SLAMF7: variants seen among roughly 807,000 people sequenced by gnomAD.
SLAMF7 encodes SLAM family member 7.
SLAMF7 carries 26 observed loss-of-function variants against 34.1 expected under a neutral mutation model. The ratio of observed to expected loss-of-function variants is 0.76; its 90% CI spans 0.56 to 1.06. SLAMF7 has a LOEUF of 1.06. Among genes scored for constraint, SLAMF7 ranks in the 50% least tolerant of loss-of-function variants. SLAMF7 has a pLI of 0.00. For synonymous variants in SLAMF7, 171 were observed against 156.4 expected (o/e 1.09, Z -0.70); for missense variants, 399 against 402.5 (o/e 0.99, Z 0.07).
chr1:160,744,390 G>A (rs566785694), intron 1 of SLAMF7, among the ~76,000 whole-genome samples: 7 of 152,182 alleles, frequency 4.6e-5, no homozygotes, highest in South Asian at 2.1e-4. Flanking sequence ...GTTTTCTTTC[G>A]TTACCCCTTG....
At chr1:160,744,711 A>G (rs941466225) in intron 1 of SLAMF7, among the ~76,000 whole-genome samples, 1 of 152,226 alleles carries the variant, frequency 6.6e-6, no homozygotes, top group Non-Finnish European at 1.5e-5. Flanking sequence ...TGTGAAAATG[A>G]AATTACTTGA....
intron 1 of SLAMF7, among the ~76,000 whole-genome samples, chr1:160,740,041 A>C (rs1423105672): frequency 6.6e-6 from 1 of 152,074 alleles, no homozygotes; most frequent in Non-Finnish European, 1.5e-5. Context: ...CATCAATCTC[A>C]TGGAGTACTA....
intron 1 of SLAMF7, chr1:160,739,703 C>A (rs190153521): frequency 3.1e-5 from 7 of 224,276 alleles, no homozygotes; most frequent in Non-Finnish European, 5.3e-5. Flanking sequence ...ATCTTCTAGC[C>A]TTCTCTCCTT....
chr1:160,749,973 G>T lies in SLAMF7; in HGVS notation c.529G>T (p.Gly177Trp). ...LGQAANESHN[G>W]SILPISWRWG... ...GCAAGCAGCCAATGAGTCCCATAAT[G>T]GGTCCATCCTCCCCATCTCCTGGAG... The change falls in exon 3 of 7, where the codon GGG becomes TGG. Residue 177 changes from glycine to tryptophan, a missense_variant. Gly to Trp is a radical substitution (Grantham distance 184). Coordinates refer to ENST00000368043, the MANE Select transcript of SLAMF7 (RefSeq NM_021181.5). 1 of 1,614,108 alleles carries T rather than the reference G, an allele frequency of 6.2e-7. No individual in the cohort carries two copies. Among genetic ancestry groups the T allele is most frequent in the Non-Finnish European group, 8.5e-7 (1 of 1,179,968 alleles).
At chr1:160,746,017 A>G (rs1406768456) in intron 1 of SLAMF7, among the ~76,000 whole-genome samples, 1 of 152,194 alleles carries the variant, frequency 6.6e-6, no homozygotes, top group Non-Finnish European at 1.5e-5. Flanking sequence ...TAGAAAAGGC[A>G]TGAGTTACAT....
At chr1:160,740,587 G>A (rs1663663612) in intron 1 of SLAMF7, among the ~76,000 whole-genome samples, 1 of 152,152 alleles carries the variant, frequency 6.6e-6, no homozygotes, top group African/African-American at 2.4e-5. Context: ...GCGCATCCTT[G>A]GTTTGACTTA....
chr1:160,751,253 C>T, intron 4 of SLAMF7, 92 bp from the exon 5 acceptor site: 1 of 929,020 alleles, frequency 1.1e-6, no homozygotes, highest in South Asian at 1.4e-5. Context: ...TGGTTGGTCA[C>T]CCTAAGTGGG....
In SLAMF7 at chr1:160,751,448, T is replaced by A. The variant is rs773656284; in HGVS notation, c.873T>A (p.Asn291Lys). Reference sequence around the variant, plus strand: ...AGTACGACACAATCCCTCACACTAATGTGAGTCCCTTCTCATCTTTCCTGA... The same window carrying A: ...AGTACGACACAATCCCTCACACTAAAGTGAGTCCCTTCTCATCTTTCCTGA... ...NTEYDTIPHT[N>K]RTILKEDPAN... The change falls in exon 5 of 7, where the codon AAT (asparagine) becomes AAA (lysine). Residue 291 changes from asparagine (N) to lysine (K), a missense_variant and splice_region_variant. Coordinates refer to ENST00000368043, the MANE Select transcript of SLAMF7 (RefSeq NM_021181.5). 7 of 1,608,194 alleles carry A rather than the reference T, an allele frequency of 4.4e-6. No individual in the cohort carries two copies. In the East Asian group the frequency reaches 1.6e-4, roughly 36 times the overall value.
intron 6 of SLAMF7, 25 bp from the exon 7 acceptor site, chr1:160,753,081 C>T (rs370179384): frequency 6.2e-7 from 1 of 1,610,664 alleles, no homozygotes; most frequent in Non-Finnish European, 8.5e-7. Context: ...CTCCCTCACT[C>T]TACTTTCTTT....
Position 160,750,991 on chromosome 1 carries a change from C to T in SLAMF7, c.770-354C>T, listed in dbSNP as rs1664530222. 3 of 293,422 alleles carry T rather than the reference C, an allele frequency of 1.0e-5. No homozygotes were observed. In the South Asian group the frequency reaches 1.1e-4, roughly 10 times the overall value. 18.2% of individuals were successfully genotyped at this position (293,422 alleles called of 1,614,324 possible). A position where few individuals can be genotyped will look rare whatever the true frequency, so the allele number is the denominator to read the frequency against. On this transcript the variant is annotated intron_variant, in intron 4 of 6. Transcript: ENST00000368043. ...ATTGGTCTTCTGGGCTCCCACTGTC[C>T]ATGTGGGTGATGGGGAGGGACCTAA...
chr1:160,740,530 G>C (rs1411512932), intron 1 of SLAMF7, among the ~76,000 whole-genome samples: 1 of 152,168 alleles, frequency 6.6e-6, no homozygotes, highest in Non-Finnish European at 1.5e-5. Context: ...GATTGTCCTG[G>C]AACTTCCAGT....
At chr1:160,747,859 C>T (rs892839371) in intron 1 of SLAMF7, among the ~76,000 whole-genome samples, 1 of 151,976 alleles carries the variant, frequency 6.6e-6, no homozygotes, top group Non-Finnish European at 1.5e-5. Context: ...TGGTAATGCT[C>T]AGCTGGCCAC....
In SLAMF7 at chr1:160,751,503, G is replaced by C. The variant is rs1040048676; in HGVS notation, c.873+55G>C. On this transcript the variant is annotated intron_variant, in intron 5 of 6. Coordinates refer to ENST00000368043, the MANE Select transcript of SLAMF7 (RefSeq NM_021181.5). The stretch of plus-strand genomic sequence containing the variant: ...TGATCCTGTCTCTGAGGCTCTCCTT[G>C]TGAGGTTTTTCCATGGGTTTGGACA... 10 of 1,453,448 alleles carry C rather than the reference G, an allele frequency of 6.9e-6. No individual in the cohort carries two copies. In the African/African-American group the frequency reaches 1.3e-4, roughly 18 times the overall value. The allele number at this position is 1,453,448 out of a possible 1,614,324, so 90.0% of individuals were successfully genotyped here.
At position 160,751,972 on chromosome 1, in the gene SLAMF7, C is replaced by T. The variant is rs570668241; in HGVS notation, c.874-214C>T. 1.3e-5 allele frequency: 5 copies of T among 384,866 alleles called. No homozygotes were observed. In the South Asian group the frequency reaches 1.7e-4, roughly 13 times the overall value. The allele number at this position is 384,866 out of a possible 1,614,324, so 23.8% of individuals were successfully genotyped here. ...GTACAGTTTAAAAATAATGTAATGG[C>T]TTCCTGAAAAAAGTTATCAAAATTT... On this transcript the variant is annotated intron_variant, in intron 5 of 6. Coordinates refer to ENST00000368043, the MANE Select transcript of SLAMF7 (RefSeq NM_021181.5).
chr1:160,753,929 A>T lies in SLAMF7; in HGVS notation c.*752A>T, dbSNP rs1480394340. 1 of 152,440 alleles carries T rather than the reference A, an allele frequency of 6.6e-6. No individual in the cohort carries two copies. Among genetic ancestry groups the T allele is most frequent in the African/African-American group, 2.4e-5 (1 of 41,460 alleles). 9.4% of individuals were successfully genotyped at this position (152,440 alleles called of 1,614,324 possible). On this transcript the variant is annotated 3_prime_UTR_variant, in exon 7 of 7. Transcript: ENST00000368043. ...GAGACACAGAAGTGTGCATGGCCCAAGGACAAGGACCTCCAGCCAGGCTTC... is the reference window on the plus strand; with the variant it reads ...GAGACACAGAAGTGTGCATGGCCCATGGACAAGGACCTCCAGCCAGGCTTC...
chr1:160,743,905 T>TCTCAAACTCCTGAC (rs1663936415), intron 1 of SLAMF7, among the ~76,000 whole-genome samples: 1 of 152,198 alleles, frequency 6.6e-6, no homozygotes, highest in South Asian at 2.1e-4. Context: ...CCCAGCCTGG[T>TCTCAAACTCCTGAC]CTCAAACTCC....
intron 1 of SLAMF7, among the ~76,000 whole-genome samples, chr1:160,743,364 G>T (rs571371405): frequency 4.6e-4 from 70 of 152,274 alleles, no homozygotes; most frequent in African/African-American, 1.6e-3. Context: ...ATCAGGGGAG[G>T]GAGGAGGCCG....
Position 160,753,110 on chromosome 1 carries a change from A to G in SLAMF7, c.941A>G (p.Glu314Gly). Reference sequence around the variant, plus strand: ...TTTCTTTTTGTCTGTCTTCAGATGGAAAATCCCCACTCACTGCTCACGATG... The same window carrying G: ...TTTCTTTTTGTCTGTCTTCAGATGGGAAATCCCCACTCACTGCTCACGATG... ...YSTVEIPKKMENPHSLLTMPD... is the reference protein window; with the variant it reads ...YSTVEIPKKMGNPHSLLTMPD... The change falls in exon 7 of 7, where the codon GAA becomes GGA. Residue 314 changes from glutamate to glycine, a missense_variant. By Grantham distance (98) the Glu-to-Gly change is moderately conservative. Coordinates refer to ENST00000368043, the MANE Select transcript of SLAMF7 (RefSeq NM_021181.5). 1 of 1,613,712 alleles carries G rather than the reference A, an allele frequency of 6.2e-7. No homozygotes were observed. The highest frequency in any genetic ancestry group is 8.5e-7 in the Non-Finnish European group (1 of 1,179,918).
In SLAMF7 at chr1:160,754,373, A is replaced by G; in HGVS notation, c.*1196A>G. The G allele has an allele frequency of 6.6e-6, 1 of 152,670 alleles. No individual in the cohort carries two copies. Among genetic ancestry groups the G allele is most frequent in the African/African-American group, 2.4e-5 (1 of 41,556 alleles). 9.5% of individuals were successfully genotyped at this position (152,670 alleles called of 1,614,324 possible). On this transcript the variant is annotated 3_prime_UTR_variant, in exon 7 of 7. Coordinates refer to ENST00000368043, the MANE Select transcript of SLAMF7 (RefSeq NM_021181.5). ...AGGCCAAGGCATGAGAATCGCTTGA[A>G]CCTGGGAGGTGGAGGTTGCAGTGAG...
Sources: gnomAD v4.1 joint callset for allele counts (sites outside exome capture counted in the v4.1 genomes callset) on GRCh38, gnomAD v4.1.1 for gene constraint, MANE v1.5 for transcripts, NCBI Gene and HGNC (gene_info 2026-07-23, HGNC 2026-07-21) for gene names.